CAMKMT: variants seen among roughly 807,000 people sequenced by gnomAD.
CAMKMT encodes calmodulin-lysine N-methyltransferase, also known as CaM KMT.
In CAMKMT, 53 loss-of-function variants were observed where a neutral mutation model predicts 48.0. The ratio of observed to expected loss-of-function variants is 1.10; its 90% CI spans 0.89 to 1.39. The LOEUF is 1.39. Ranked by LOEUF, CAMKMT falls within the 40% of genes most tolerant of loss-of-function variation. The pLI is 0.00. For synonymous variants in CAMKMT, 165 were observed against 152.3 expected (o/e 1.08, Z -0.61); for missense variants, 428 against 402.7 (o/e 1.06, Z -0.54).
intron 3 of CAMKMT, among the ~76,000 whole-genome samples, chr2:44,627,617 A>G (rs891503878): frequency 6.9e-6 from 1 of 145,952 alleles, no homozygotes; most frequent in African/African-American, 2.6e-5. Context: ...GACAACTTAT[A>G]TCTTTCAAGG....
At chr2:44,392,734 C>T (rs779205817) in intron 3 of CAMKMT, among the ~76,000 whole-genome samples, 14 of 151,466 alleles carry the variant, frequency 9.2e-5, no homozygotes, top group African/African-American at 7.3e-5. Context: ...TTTTCCTGGC[C>T]GATTTTTTAA....
intron 9 of CAMKMT, among the ~76,000 whole-genome samples, chr2:44,761,815 G>A (rs932072789): frequency 2.6e-5 from 4 of 152,120 alleles, no homozygotes. Context: ...TGCATTTGAT[G>A]GATCCTTCCC....
At chr2:44,367,819 G>A (rs1250298472) in intron 1 of CAMKMT, among the ~76,000 whole-genome samples, 1 of 152,210 alleles carries the variant, frequency 6.6e-6, no homozygotes, top group Non-Finnish European at 1.5e-5. Flanking sequence ...CCATTGTGGG[G>A]AAGTGTAGTT....
At chr2:44,611,320 C>G (rs896894340) in intron 3 of CAMKMT, among the ~76,000 whole-genome samples, 31 of 152,110 alleles carry the variant, frequency 2.0e-4, no homozygotes, top group African/African-American at 7.5e-4. Flanking sequence ...GTAATCCCAG[C>G]TACTCGGGAG....
chr2:44,622,531 C>G (rs879409591), intron 3 of CAMKMT, among the ~76,000 whole-genome samples: 1 of 152,128 alleles, frequency 6.6e-6, no homozygotes. Flanking sequence ...AATGTCTGTT[C>G]CCATCTTTGA....
chr2:44,608,298 T>A (rs989477900), intron 3 of CAMKMT, among the ~76,000 whole-genome samples: 4 of 152,064 alleles, frequency 2.6e-5, no homozygotes, highest in Admixed American at 2.6e-4. Flanking sequence ...GGTCTCGATC[T>A]CCTGACCTCG....
intron 3 of CAMKMT, chr2:44,456,723 A>G: frequency 2.2e-6 from 2 of 922,000 alleles, no homozygotes; most frequent in South Asian, 4.2e-5. Context: ...CTTCATTACA[A>G]TCATAGCAGA....
At chr2:44,749,372 A>G (rs899419545) in intron 8 of CAMKMT, among the ~76,000 whole-genome samples, 2 of 152,168 alleles carry the variant, frequency 1.3e-5, no homozygotes, top group Non-Finnish European at 2.9e-5. Flanking sequence ...GGACATTGAA[A>G]CTAACACCCT....
chr2:44,529,005 T>C (rs985800650), intron 3 of CAMKMT, among the ~76,000 whole-genome samples: 1 of 152,226 alleles, frequency 6.6e-6, no homozygotes, highest in African/African-American at 2.4e-5. Context: ...GATATTCTAA[T>C]GTGTTTATCT....
At chr2:44,768,549 C>A (rs2104409546) in intron 10 of CAMKMT, among the ~76,000 whole-genome samples, 1 of 151,974 alleles carries the variant, frequency 6.6e-6, no homozygotes, top group Admixed American at 6.5e-5. Context: ...GAGCAGTGAG[C>A]CGGGGGCCAC....
At chr2:44,423,934 A>C (rs901796084) in intron 3 of CAMKMT, among the ~76,000 whole-genome samples, 1 of 152,092 alleles carries the variant, frequency 6.6e-6, no homozygotes, top group Non-Finnish European at 1.5e-5. Context: ...AATTTTAGAA[A>C]ATTTATTGAC....
chr2:44,391,353 G>A (rs1413727273), intron 3 of CAMKMT, among the ~76,000 whole-genome samples: 3 of 152,040 alleles, frequency 2.0e-5, no homozygotes, highest in Non-Finnish European at 4.4e-5. Context: ...AGTGACTGAT[G>A]TGCCTTTTAG....
chr2:44,676,874 T>A (rs932083525), intron 3 of CAMKMT: 2 of 152,242 alleles, frequency 1.3e-5, no homozygotes, highest in African/African-American at 2.4e-5. Context: ...TCTTCTTTTT[T>A]AAAAAATTCT....
intron 3 of CAMKMT, among the ~76,000 whole-genome samples, chr2:44,437,446 G>T (rs115645999): frequency 4.4e-4 from 65 of 146,754 alleles, no homozygotes; most frequent in African/African-American, 1.6e-3. Flanking sequence ...ACCTGGGGCC[G>T]TCAAACCAGT....
At chr2:44,646,449 A>G (rs1466212904) in intron 3 of CAMKMT, among the ~76,000 whole-genome samples, 1 of 152,164 alleles carries the variant, frequency 6.6e-6, no homozygotes, top group Admixed American at 6.5e-5. Flanking sequence ...AAAGTTCAAC[A>G]AACTTCTTAC....
chr2:44,682,864 T>C (rs1676101097), intron 3 of CAMKMT, among the ~76,000 whole-genome samples: 1 of 152,202 alleles, frequency 6.6e-6, no homozygotes, highest in African/African-American at 2.4e-5. Flanking sequence ...TTTATTATGA[T>C]TGGAATGCTG....
intron 3 of CAMKMT, among the ~76,000 whole-genome samples, chr2:44,688,428 C>A (rs1018673577): frequency 6.6e-6 from 1 of 151,608 alleles, no homozygotes; most frequent in Admixed American, 6.6e-5. Context: ...AGGACAGAGT[C>A]CTGGCCATTT....
chr2:44,374,896 G>A (rs550349947), intron 2 of CAMKMT, among the ~76,000 whole-genome samples: 3 of 152,176 alleles, frequency 2.0e-5, no homozygotes, highest in South Asian at 4.1e-4. Context: ...TTGGGAGGCC[G>A]AAGCAAGACG....
At chr2:44,426,343 T>C (rs894449711) in intron 3 of CAMKMT, among the ~76,000 whole-genome samples, 2 of 152,026 alleles carry the variant, frequency 1.3e-5, no homozygotes, top group Admixed American at 1.3e-4. Flanking sequence ...ACCAGAGCAA[T>C]CAGGCAAGAG....
Sources: allele counts gnomAD v4.1 joint callset (sites outside exome capture counted in the v4.1 genomes callset), GRCh38; gene constraint gnomAD v4.1.1; transcripts MANE v1.5; gene names NCBI Gene and HGNC (gene_info 2026-07-23, HGNC 2026-07-21).